Variants in LINGO2 observed in about 807,000 individuals in gnomAD.
The protein encoded by LINGO2 is leucine-rich repeat and immunoglobulin-like domain-containing nogo receptor-interacting protein 2.
LINGO2 carries 14 observed loss-of-function variants against 30.6 expected under a neutral mutation model. The observed-to-expected ratio is 0.46, with a 90% CI of 0.30 to 0.72. The LOEUF (loss-of-function observed/expected upper bound fraction) is 0.72. Among genes scored for constraint, LINGO2 ranks in the 30% least tolerant of loss-of-function variants. LINGO2 has a pLI of 0.07. For synonymous variants in LINGO2, 317 were observed against 288.5 expected, an observed-to-expected ratio of 1.10 and a Z score of -1.00; for missense variants, 729 against 751.7, an observed-to-expected ratio of 0.97 and a Z score of 0.35.
chr9:28,040,488 T>C (rs1824151091), intron 4 of LINGO2, among the ~76,000 whole-genome samples: 4 of 145,084 alleles, frequency 2.8e-5, no homozygotes, highest in Admixed American at 1.4e-4. Flanking sequence ...CTCTTCATTA[T>C]TAAAATCTTT....
the LINGO2 span, among the ~76,000 whole-genome samples, chr9:28,685,515 A>T: frequency 6.6e-6 from 1 of 152,030 alleles, no homozygotes; most frequent in Non-Finnish European, 1.5e-5. Flanking sequence ...TGTGTTTCTG[A>T]TTTTCCATTT....
intron 4 of LINGO2, among the ~76,000 whole-genome samples, chr9:28,037,665 G>T (rs1824001593): frequency 6.6e-6 from 1 of 152,194 alleles, no homozygotes; most frequent in East Asian, 1.9e-4. Flanking sequence ...TGGCTTCATA[G>T]CTGGCATACA....
chr9:28,072,721 C>A (rs1216020637), intron 4 of LINGO2, among the ~76,000 whole-genome samples: 8 of 152,090 alleles, frequency 5.3e-5, no homozygotes. Flanking sequence ...TTCATCTGTA[C>A]CTTCTCCAGT....
At chr9:29,115,111 A>T in the LINGO2 span, among the ~76,000 whole-genome samples, 1 of 152,162 alleles carries the variant, frequency 6.6e-6, no homozygotes, top group Non-Finnish European at 1.5e-5. Flanking sequence ...AAAGAAACTG[A>T]CAATGGAGCA....
chr9:28,148,346 G>A lies in LINGO2; in HGVS notation c.-86-135941C>T, dbSNP rs760013077. 10 of 970,688 alleles carry A rather than the reference G, an allele frequency of 1.0e-5. No homozygotes were observed. The highest frequency in any genetic ancestry group is 4.8e-5 in the African/African-American group (3 of 62,152). 60.1% of individuals were successfully genotyped at this position (970,688 alleles called of 1,614,324 possible). On this transcript the variant is annotated intron_variant, in intron 4 of 5. Coordinates refer to ENST00000379992, the Ensembl canonical transcript of LINGO2. The surrounding 1 kb of genome is among the most constrained non-coding windows in gnomAD (Gnocchi z 5.1). ...CAGGATGTTTGGACACCTCAGCCCC[G>A]TGAGGATTCCTCATCTCAGAGGCAA... is the stretch of plus-strand genomic sequence containing the variant.
At chr9:28,188,335 A>G (rs1019102977) in intron 4 of LINGO2, among the ~76,000 whole-genome samples, 3 of 152,294 alleles carry the variant, frequency 2.0e-5, no homozygotes, top group South Asian at 4.1e-4. Context: ...AAAAATAACT[A>G]AATTGTTTTC....
At chr9:28,922,066 T>C in the LINGO2 span, among the ~76,000 whole-genome samples, 7 of 152,268 alleles carry the variant, frequency 4.6e-5, no homozygotes, top group South Asian at 2.1e-4. Flanking sequence ...CATTAGACTA[T>C]TGCACTGTAT....
At chr9:28,426,283 T>G (rs2134913353) in intron 2 of LINGO2, among the ~76,000 whole-genome samples, 1 of 152,160 alleles carries the variant, frequency 6.6e-6, no homozygotes, top group African/African-American at 2.4e-5. Flanking sequence ...TATAACATAT[T>G]AATGATACAT....
chr9:28,851,895 T>TAA, the LINGO2 span, among the ~76,000 whole-genome samples: 62 of 151,978 alleles, frequency 4.1e-4, 2 homozygotes, highest in African/African-American at 1.4e-3. Context: ...TGTATATATA[T>TAA]AATCACATTT....
chr9:28,405,707 T>C (rs1406594096), intron 2 of LINGO2, among the ~76,000 whole-genome samples: 1 of 152,216 alleles, frequency 6.6e-6, no homozygotes, highest in Admixed American at 6.5e-5. Context: ...TGGTTGTTTT[T>C]AGAATAAGAC....
At chr9:28,698,372 T>C in the LINGO2 span, among the ~76,000 whole-genome samples, 1 of 152,038 alleles carries the variant, frequency 6.6e-6, no homozygotes, top group Non-Finnish European at 1.5e-5. Flanking sequence ...ATCTTTTCAA[T>C]GGAACTAGAT....
At chr9:29,071,387 T>C in the LINGO2 span, among the ~76,000 whole-genome samples, 2 of 149,766 alleles carry the variant, frequency 1.3e-5, no homozygotes, top group Admixed American at 6.7e-5. Flanking sequence ...ACAATTTCAT[T>C]TAACATTTTC....
At chr9:28,925,724 G>C in the LINGO2 span, among the ~76,000 whole-genome samples, 3 of 152,140 alleles carry the variant, frequency 2.0e-5, no homozygotes, top group Non-Finnish European at 1.5e-5. Context: ...AACTGATGGT[G>C]GTTTTGGTAA....
At chr9:28,013,973 A>T (rs372931562) in intron 4 of LINGO2, among the ~76,000 whole-genome samples, 10 of 152,266 alleles carry the variant, frequency 6.6e-5, no homozygotes, top group Non-Finnish European at 1.3e-4. Context: ...TTACATTGCT[A>T]AGGTGAAGAA....
chr9:29,006,025 A>G, the LINGO2 span, among the ~76,000 whole-genome samples: 1 of 151,852 alleles, frequency 6.6e-6, no homozygotes, highest in Non-Finnish European at 1.5e-5. Flanking sequence ...ACTGTGTTTC[A>G]GATCAGACTA....
At chr9:29,115,708 T>G in the LINGO2 span, among the ~76,000 whole-genome samples, 1 of 152,038 alleles carries the variant, frequency 6.6e-6, no homozygotes. Context: ...TAAAAGTATT[T>G]TTATCATGAT....
At chr9:28,930,559 A>G in the LINGO2 span, among the ~76,000 whole-genome samples, 1 of 152,212 alleles carries the variant, frequency 6.6e-6, no homozygotes, top group Non-Finnish European at 1.5e-5. The surrounding 1 kb of genome is among the most constrained non-coding windows in gnomAD (Gnocchi z 4.2). Context: ...CCTGAATTAT[A>G]TGATTTGACC....
At chr9:27,937,962 G>A in the LINGO2 span, 1 of 152,126 alleles carries the variant, frequency 6.6e-6, no homozygotes, top group Non-Finnish European at 1.5e-5. Flanking sequence ...TTAAAACAAT[G>A]ATACAGAAAG....
chr9:28,916,239 G>A, the LINGO2 span, among the ~76,000 whole-genome samples: 2 of 152,006 alleles, frequency 1.3e-5, no homozygotes, highest in Non-Finnish European at 2.9e-5. Context: ...TTTCACCCCC[G>A]AATTTGTTTC....
Sources: allele counts gnomAD v4.1 joint callset (sites outside exome capture counted in the v4.1 genomes callset), GRCh38; gene constraint gnomAD v4.1.1; non-coding constraint Gnocchi (gnomAD v3.1); transcripts MANE v1.5; gene names NCBI Gene and HGNC (gene_info 2026-07-23, HGNC 2026-07-21).